Variants in MSR1 observed in about 807,000 individuals in gnomAD.
MSR1 encodes macrophage scavenger receptor 1, also known as macrophage scavenger receptor types I and II.
MSR1 carries 53 observed loss-of-function variants against 47.2 expected under a neutral mutation model. The observed-to-expected ratio is 1.12, with a 90% CI of 0.90 to 1.41. The LOEUF (loss-of-function observed/expected upper bound fraction) is 1.41. MSR1 is among the 40% of genes most tolerant of loss of function. The pLI, the probability that MSR1 is intolerant of heterozygous loss-of-function variation, is 0.00. For missense variants in MSR1, 786 were observed against 546.9 expected, an observed-to-expected ratio of 1.44 and a Z score of -4.36; for synonymous variants, 239 against 185.6, an observed-to-expected ratio of 1.29 and a Z score of -2.34.
intron 4 of MSR1, among the ~76,000 whole-genome samples, chr8:16,165,887 A>C (rs117979965): frequency 6.6e-6 from 1 of 152,180 alleles, no homozygotes; most frequent in East Asian, 1.9e-4. Flanking sequence ...GAATTTCTCT[A>C]TCTTGCACCT....
intron 7 of MSR1, 86 bp downstream of exon 7, chr8:16,150,145 T>TATAC (rs1563153560): frequency 5.6e-5 from 8 of 142,394 alleles, no homozygotes; most frequent in African/African-American, 3.7e-4. Context: ...TGTGTGTATA[T>TATAC]ATATATATAT....
intron 1 of MSR1, among the ~76,000 whole-genome samples, chr8:16,183,922 A>G (rs1029204944): frequency 6.8e-6 from 1 of 146,350 alleles, no homozygotes; most frequent in Admixed American, 7.1e-5. Flanking sequence ...TGGCACAGGC[A>G]TAGTACAAAA....
At position 16,108,320 on chromosome 8, in the gene MSR1, C is replaced by T; in HGVS notation, c.*1765G>A. 1 of 151,048 alleles carries T rather than the reference C, an allele frequency of 6.6e-6. No individual in the cohort carries two copies. Among genetic ancestry groups the T allele is most frequent in the South Asian group, 2.1e-4 (1 of 4,764 alleles). 9.4% of individuals were successfully genotyped at this position (151,048 alleles called of 1,614,324 possible). A position where few individuals can be genotyped will look rare whatever the true frequency, so the allele number is the denominator to read the frequency against. ...GTGTTAATAATACTAATAGTTAATA[C>T]TAACAGTTAACACTAATAGTTAATA... is the stretch of plus-strand genomic sequence containing the variant. On this transcript the variant is annotated 3_prime_UTR_variant, in exon 10 of 10. Transcript: ENST00000262101.
chr8:16,146,406 C>T (rs996167509), intron 7 of MSR1, among the ~76,000 whole-genome samples: 7 of 151,882 alleles, frequency 4.6e-5, no homozygotes, highest in Admixed American at 3.9e-4. Context: ...ACAAAACTAA[C>T]AAAAAATGCA....
chr8:16,115,687 G>T (rs914488276), intron 9 of MSR1, among the ~76,000 whole-genome samples: 1 of 152,086 alleles, frequency 6.6e-6, no homozygotes, highest in Non-Finnish European at 1.5e-5. Flanking sequence ...GGAAACAACA[G>T]CTAAGTCAAA....
intron 6 of MSR1, among the ~76,000 whole-genome samples, chr8:16,154,161 T>C (rs1335335413): frequency 6.6e-6 from 1 of 151,872 alleles, no homozygotes; most frequent in Non-Finnish European, 1.5e-5. Flanking sequence ...GGCTAGTCAA[T>C]ACACTGATCA....
chr8:16,167,910 A>T (rs1801361240), intron 4 of MSR1, among the ~76,000 whole-genome samples: 1 of 152,196 alleles, frequency 6.6e-6, no homozygotes, highest in Non-Finnish European at 1.5e-5. Context: ...GGAAACACTG[A>T]TAGATTTTAG....
chr8:16,178,456 A>T (rs1337336628), intron 1 of MSR1, among the ~76,000 whole-genome samples: 1 of 152,176 alleles, frequency 6.6e-6, no homozygotes, highest in Non-Finnish European at 1.5e-5. Flanking sequence ...GTGGCTGCAT[A>T]GTACTCCACG....
chr8:16,164,492 G>T (rs1363561777), intron 4 of MSR1, among the ~76,000 whole-genome samples: 1 of 151,852 alleles, frequency 6.6e-6, no homozygotes, highest in African/African-American at 2.4e-5. Context: ...TCAATTTAAT[G>T]TATCTATGAT....
intron 1 of MSR1, chr8:16,186,257 G>A (rs569255337): frequency 3.7e-5 from 54 of 1,468,696 alleles, no homozygotes; most frequent in African/African-American, 1.1e-4. Context: ...TCTCCCCAAC[G>A]TCTCAACAGC....
In MSR1 at chr8:16,175,189, G is replaced by A; in HGVS notation, c.215C>T (p.Ala72Val). The stretch of plus-strand genomic sequence containing the variant: ...TTCAAAACTCTGGGTTACGTTACCT[G>A]CCACTATTCCAATGAGAGGGATGAG... ...AVLIPLIGIV[A>V]AQLLKWETKN... The change falls in exon 3 of 10, where the codon GCA becomes GTA. Residue 72 changes from alanine (A) to valine (V), a missense_variant and splice_region_variant. Transcript: ENST00000262101. 2 of 1,612,984 alleles carry A rather than the reference G, an allele frequency of 1.2e-6. No homozygotes were observed. Among genetic ancestry groups the A allele is most frequent in the Non-Finnish European group, 8.5e-7 (1 of 1,179,060 alleles).
At position 16,192,399 on chromosome 8, in the gene MSR1, A is replaced by T. The variant is rs35800004; in HGVS notation, c.-5+199T>A. ...TTTCACTCATGGAAAATTTAGCAGA[A>T]ATCCCTATTTTTTGATTATCGAAAA... On this transcript the variant is annotated intron_variant, in intron 1 of 9. Coordinates refer to ENST00000262101, the MANE Select transcript of MSR1 (RefSeq NM_138715.3). Among the ~76,000 whole-genome samples the T allele has an allele frequency of 3.3e-5, 5 of 152,262 alleles. No individual in the cohort carries two copies. In the East Asian group the frequency reaches 9.6e-4, roughly 29 times the overall value.
At chr8:16,121,942 T>C (rs1376817394) in intron 8 of MSR1, among the ~76,000 whole-genome samples, 1 of 152,056 alleles carries the variant, frequency 6.6e-6, no homozygotes, top group Non-Finnish European at 1.5e-5. Flanking sequence ...TTTTAACTTA[T>C]GCTTATTACT....
intron 8 of MSR1, among the ~76,000 whole-genome samples, chr8:16,137,139 T>C (rs1360708601): frequency 1.3e-5 from 2 of 152,080 alleles, no homozygotes; most frequent in African/African-American, 4.8e-5. Flanking sequence ...AAAGATAGAA[T>C]ATTAACAGGT....
chr8:16,155,492 G>A (rs953971911), intron 5 of MSR1, among the ~76,000 whole-genome samples: 5 of 151,998 alleles, frequency 3.3e-5, no homozygotes, highest in Non-Finnish European at 7.4e-5. Context: ...GTTAGACATA[G>A]AGTTAGATAT....
At chr8:16,162,853 G>A (rs1179440110) in intron 5 of MSR1, among the ~76,000 whole-genome samples, 3 of 151,670 alleles carry the variant, frequency 2.0e-5, no homozygotes, top group South Asian at 2.1e-4. Flanking sequence ...GCTTTCCCTG[G>A]TCCTACCAGC....
At chr8:16,114,209 A>G (rs544652214) in intron 9 of MSR1, among the ~76,000 whole-genome samples, 1 of 144,200 alleles carries the variant, frequency 6.9e-6, no homozygotes, top group East Asian at 2.1e-4. Context: ...GCATTTTTTG[A>G]TTGCCTTCTG....
chr8:16,127,273 G>T (rs1800151832), intron 8 of MSR1, among the ~76,000 whole-genome samples: 1 of 152,028 alleles, frequency 6.6e-6, no homozygotes, highest in Non-Finnish European at 1.5e-5. Flanking sequence ...CATATCCTGA[G>T]CCCAACTTCT....
chr8:16,170,680 G>A lies in MSR1; in HGVS notation c.218-1810C>T, dbSNP rs80177326. Among the ~76,000 whole-genome samples, 1,482 of 152,164 alleles carry A rather than the reference G, an allele frequency of 9.7e-3. 24 individuals are homozygous for A. The highest frequency in any genetic ancestry group is 0.033 in the African/African-American group (1,382 of 41,526). On this transcript the variant is annotated intron_variant, in intron 3 of 9. Coordinates refer to ENST00000262101, the MANE Select transcript of MSR1 (RefSeq NM_138715.3). ...GATTTTTGAGAATTAAACAACACAT[G>A]AAAAACATTTAGTTCTACCCCTAAC...
Sources: allele counts gnomAD v4.1 joint callset (sites outside exome capture counted in the v4.1 genomes callset), GRCh38; gene constraint gnomAD v4.1.1; transcripts MANE v1.5; gene names NCBI Gene and HGNC (gene_info 2026-07-23, HGNC 2026-07-21).